Variants in NFIC observed in about 807,000 individuals in gnomAD.
The protein encoded by NFIC is nuclear factor I C.
In NFIC, 12 loss-of-function variants were observed where a neutral mutation model predicts 54.4. The ratio of observed to expected loss-of-function variants is 0.22; its 90% CI spans 0.14 to 0.36. The LOEUF (loss-of-function observed/expected upper bound fraction) is 0.36. Among genes scored for constraint, NFIC ranks in the 10% least tolerant of loss-of-function variants. The pLI is 1.00. For synonymous variants in NFIC, 322 were observed against 319.2 expected (o/e 1.01, Z -0.09); for missense variants, 575 against 718.2 (o/e 0.80, Z 2.28).
chr19:3,462,678 T>C (rs2082658661), intron 10 of NFIC, 74 bp from the exon 11 acceptor site: 2 of 1,534,288 alleles, frequency 1.3e-6, no homozygotes, highest in Non-Finnish European at 1.8e-6. Context: ...AAACCATGTC[T>C]GCAGCAGAGT....
chr19:3,374,596 C>T (rs1368802486), intron 1 of NFIC, among the ~76,000 whole-genome samples: 1 of 152,108 alleles, frequency 6.6e-6, no homozygotes, highest in Non-Finnish European at 1.5e-5. Flanking sequence ...ACTGGATGGT[C>T]CTGGCTAGAT....
intron 2 of NFIC, among the ~76,000 whole-genome samples, chr19:3,398,430 C>T (rs2081499695): frequency 1.3e-5 from 2 of 152,268 alleles, no homozygotes; most frequent in Non-Finnish European, 1.5e-5. Context: ...CTGGTGTCAT[C>T]GCCTCCTCCC....
chr19:3,418,388 C>T (rs1336513313), intron 2 of NFIC, among the ~76,000 whole-genome samples: 2 of 152,152 alleles, frequency 1.3e-5, no homozygotes, highest in Admixed American at 6.6e-5. Context: ...TGTGCCACCA[C>T]GCCCCGCCTA....
rs1015542706 is a variant in NFIC at position 3,463,088 on chromosome 19, C to G, written c.*319C>G. 1.0e-5 allele frequency: 13 copies of G among 1,287,266 alleles called. No individual in the cohort carries two copies. The highest frequency in any genetic ancestry group is 7.7e-5 in the African/African-American group (5 of 65,140). 79.7% of individuals were successfully genotyped at this position (1,287,266 alleles called of 1,614,324 possible). A position where few individuals can be genotyped will look rare whatever the true frequency, so the allele number is the denominator to read the frequency against. On this transcript the variant is annotated 3_prime_UTR_variant, in exon 11 of 11. Coordinates refer to ENST00000443272, the MANE Select transcript of NFIC (RefSeq NM_001245002.2). Reference sequence around the variant, plus strand: ...CAGGCCCCGCCACCCCCACGGGAGACCCGGGACAGGGCGTCTTCCTAAGTT... The same window carrying G: ...CAGGCCCCGCCACCCCCACGGGAGAGCCGGGACAGGGCGTCTTCCTAAGTT...
chr19:3,386,925 C>T (rs890076148), intron 2 of NFIC, among the ~76,000 whole-genome samples: 6 of 152,314 alleles, frequency 3.9e-5, no homozygotes, highest in East Asian at 1.9e-4. Context: ...CAGGCCTCAG[C>T]GCTGATCCCA....
intron 2 of NFIC, among the ~76,000 whole-genome samples, chr19:3,395,116 T>C (rs1222760034): frequency 6.6e-6 from 1 of 152,016 alleles, no homozygotes; most frequent in East Asian, 1.9e-4. Flanking sequence ...CCCAGCACTT[T>C]GGGAAGCCGA....
At position 3,370,709 on chromosome 19, in the gene NFIC, T is replaced by C. The variant is rs1016631385; in HGVS notation, c.30+4043T>C. On this transcript the variant is annotated intron_variant, in intron 1 of 10. Transcript: ENST00000443272. The surrounding 1 kb of genome is among the most constrained non-coding windows in gnomAD (Gnocchi z 5.2). ...TTCTCTCTGTCTGTCTCTTTCTTTC[T>C]CCCTCCCTTCCTCTCTCTCTGTTCC... is the stretch of plus-strand genomic sequence containing the variant. Among the ~76,000 whole-genome samples the C allele has an allele frequency of 4.6e-5, 7 of 150,540 alleles. No homozygotes were observed. The highest frequency in any genetic ancestry group is 1.3e-4 in the Admixed American group (2 of 15,172).
chr19:3,438,588 C>T (rs1393203412), intron 6 of NFIC, among the ~76,000 whole-genome samples: 2 of 152,122 alleles, frequency 1.3e-5, no homozygotes, highest in East Asian at 3.8e-4. Flanking sequence ...CAGGCACCCA[C>T]TACCACGCCC....
intron 2 of NFIC, among the ~76,000 whole-genome samples, chr19:3,414,478 C>G (rs1415647057): frequency 2.0e-5 from 3 of 151,928 alleles, no homozygotes; most frequent in African/African-American, 7.3e-5. Context: ...GCCTGTAGTC[C>G]CAGCTACTCT....
chr19:3,364,868 G>A (rs746412884), upstream of NFIC, among the ~76,000 whole-genome samples: 6 of 152,158 alleles, frequency 3.9e-5, no homozygotes, highest in African/African-American at 1.4e-4. Flanking sequence ...TGTCCCTAGC[G>A]TGTTTTAATA....
intron 2 of NFIC, among the ~76,000 whole-genome samples, chr19:3,407,649 T>C (rs2145559150): frequency 6.6e-6 from 1 of 151,708 alleles, no homozygotes; most frequent in East Asian, 1.9e-4. Context: ...TTGGTCAGGC[T>C]GAGCTGGAAC....
At chr19:3,390,850 G>A (rs1231525317) in intron 2 of NFIC, among the ~76,000 whole-genome samples, 1 of 151,420 alleles carries the variant, frequency 6.6e-6, no homozygotes, top group African/African-American at 2.4e-5. Context: ...AGGATGGGGG[G>A]TGCCAGGGGC....
At chr19:3,378,261 CAAAAAAA>C (rs77487928) in intron 1 of NFIC, among the ~76,000 whole-genome samples, 1 of 51,694 alleles carries the variant, frequency 1.9e-5, no homozygotes, top group African/African-American at 7.0e-5. Context: ...AACTCTGTCT[CAAAAAAA>C]AAAAAAAAAA....
chr19:3,361,011 A>T (rs2080803762), intron 1 of NFIC, among the ~76,000 whole-genome samples: 1 of 152,000 alleles, frequency 6.6e-6, no homozygotes. Context: ...GTAACTGGGG[A>T]CTGCCTGGGC....
At chr19:3,411,327 G>GTTTTT (rs749500788) in intron 2 of NFIC, 2 of 35,326 alleles carry the variant, frequency 5.7e-5, no homozygotes, top group African/African-American at 2.5e-4. Context: ...GCCCTCCAGT[G>GTTTTT]CTTTTTTTTT....
At position 3,368,911 on chromosome 19, in the gene NFIC, C is replaced by G. The variant is rs924889711; in HGVS notation, c.30+2245C>G. 1.1e-4 allele frequency among the ~76,000 whole-genome samples: 10 copies of G among 92,232 alleles called. No homozygotes were observed. In the Admixed American group the frequency reaches 1.3e-3, roughly 12 times the overall value. The allele number at this position is 92,232 out of a possible 152,430, so 60.5% of individuals were successfully genotyped here. A position where few individuals can be genotyped will look rare whatever the true frequency, so the allele number is the denominator to read the frequency against. On this transcript the variant is annotated intron_variant, in intron 1 of 10. Coordinates refer to ENST00000443272, the MANE Select transcript of NFIC (RefSeq NM_001245002.2). ...TCTCTTTCTCTCTGTCTTGCTCTGACTCTGTGTGTGTGTGTGTGTGTGTGT... is the reference window on the plus strand; with the variant it reads ...TCTCTTTCTCTCTGTCTTGCTCTGAGTCTGTGTGTGTGTGTGTGTGTGTGT...
intron 2 of NFIC, among the ~76,000 whole-genome samples, chr19:3,422,757 C>G (rs910994707): frequency 4.0e-5 from 6 of 151,844 alleles, no homozygotes; most frequent in African/African-American, 1.5e-4. Context: ...GCACAAAGAC[C>G]CGGGGGGTCT....
intron 6 of NFIC, among the ~76,000 whole-genome samples, chr19:3,446,256 G>C (rs938178679): frequency 1.3e-5 from 2 of 152,214 alleles, no homozygotes; most frequent in Non-Finnish European, 2.9e-5. Flanking sequence ...GACCACAGCA[G>C]GGCAGAGGAT....
chr19:3,402,810 G>A (rs1286776430), intron 2 of NFIC, among the ~76,000 whole-genome samples: 2 of 152,180 alleles, frequency 1.3e-5, no homozygotes, highest in African/African-American at 4.8e-5. Flanking sequence ...AAGGCCCTGA[G>A]GCAGGACTGG....
Sources: gnomAD v4.1 joint callset for allele counts (sites outside exome capture counted in the v4.1 genomes callset) on GRCh38, gnomAD v4.1.1 for gene constraint, Gnocchi (gnomAD v3.1) non-coding constraint, MANE v1.5 for transcripts, NCBI Gene and HGNC (gene_info 2026-07-23, HGNC 2026-07-21) for gene names.